The following SRPX variants were observed in gnomAD, a reference collection of about 807,000 sequenced individuals.
SRPX encodes sushi repeat containing protein X-linked.
In SRPX, 24 loss-of-function variants were observed where a neutral mutation model predicts 38.1. The ratio of observed to expected loss-of-function variants is 0.63; its 90% CI spans 0.46 to 0.89. The LOEUF (loss-of-function observed/expected upper bound fraction) is 0.89, where lower values mean the gene tolerates loss of function less well. SRPX is among the 40% of genes least tolerant of loss of function. The pLI, the probability that SRPX is intolerant of heterozygous loss-of-function variation, is 0.00. For missense variants in SRPX, 416 were observed against 377.8 expected, an observed-to-expected ratio of 1.10 and a Z score of -0.84; for synonymous variants, 184 against 153.8, an observed-to-expected ratio of 1.20 and a Z score of -1.45.
chrX:38,181,484 G>A (rs1025981432), intron 1 of SRPX, among the ~76,000 whole-genome samples: 9 of 111,988 alleles, frequency 8.0e-5, no homozygotes, highest in African/African-American at 2.6e-4. Flanking sequence ...CAGCAGATGT[G>A]AGTGTTGTCA....
At chrX:38,168,618 T>C (rs1938405549) in intron 4 of SRPX, among the ~76,000 whole-genome samples, 1 of 112,056 alleles carries the variant, frequency 8.9e-6, no homozygotes, top group Non-Finnish European at 1.9e-5. Flanking sequence ...TAGTTTGAGT[T>C]TGGTGATAGA....
chrX:38,158,618 G>A (rs1938177661), intron 7 of SRPX, among the ~76,000 whole-genome samples: 1 of 111,231 alleles, frequency 9.0e-6, no homozygotes, highest in Admixed American at 9.6e-5. Context: ...GTCTAGGATA[G>A]CTCTGGTCAA....
At chrX:38,184,843 G>A (rs925656358) in intron 1 of SRPX, among the ~76,000 whole-genome samples, 2 of 111,874 alleles carry the variant, frequency 1.8e-5, no homozygotes, top group East Asian at 5.5e-4. Context: ...GATTAGTGCT[G>A]TCCAATGCAA....
chrX:38,183,989 C>A (rs139235045), intron 1 of SRPX, among the ~76,000 whole-genome samples: 1,245 of 111,363 alleles, frequency 0.011, 9 homozygotes, highest in Middle Eastern at 0.028. Context: ...AAATTAGGGT[C>A]TTCCTGGCCT....
intron 4 of SRPX, among the ~76,000 whole-genome samples, chrX:38,167,534 G>A (rs939775129): frequency 9.0e-6 from 1 of 111,381 alleles, no homozygotes; most frequent in African/African-American, 3.3e-5. Context: ...TGAATGAAAG[G>A]AACAAAGTTA....
intron 7 of SRPX, 110 bp from the exon 8 acceptor site, chrX:38,157,139 G>C: frequency 1.0e-6 from 1 of 966,981 alleles, no homozygotes. Flanking sequence ...CCTGAGATAA[G>C]GATTCAAGTG....
intron 1 of SRPX, among the ~76,000 whole-genome samples, chrX:38,195,450 T>C (rs1303269329): frequency 5.5e-5 from 6 of 109,521 alleles, no homozygotes; most frequent in Admixed American, 3.9e-4. Context: ...CATTGTTTAA[T>C]TTAAAATTTT....
In SRPX at chrX:38,195,382, GTT is replaced by G. The variant is rs10710053; in HGVS notation, c.98-17040_98-17039del. On this transcript the variant is annotated intron_variant, in intron 1 of 9. Coordinates refer to ENST00000378533, the MANE Select transcript of SRPX (RefSeq NM_006307.5). Reference sequence around the variant, plus strand: ...TGGCTGGTAAGTAGAGGTGTTTGTGGTTTTTTTTTTTTTTTTTTTACCATACC... The same window carrying G: ...TGGCTGGTAAGTAGAGGTGTTTGTGGTTTTTTTTTTTTTTTTTACCATACC... Among the ~76,000 whole-genome samples the G allele has an allele frequency of 3.3e-3, 289 of 87,913 alleles. 1 individual carries two copies. The highest frequency in any genetic ancestry group is 0.012 in the African/African-American group (268 of 22,675). 76.3% of individuals were successfully genotyped at this position (87,913 alleles called of 115,157 possible). A position where few individuals can be genotyped will look rare whatever the true frequency, so the allele number is the denominator to read the frequency against.
chrX:38,206,055 G>A (rs1939204055), intron 1 of SRPX, among the ~76,000 whole-genome samples: 1 of 113,074 alleles, frequency 8.8e-6, no homozygotes, highest in South Asian at 3.6e-4. Context: ...AAGTGATGCT[G>A]TGACAATTCT....
intron 3 of SRPX, among the ~76,000 whole-genome samples, chrX:38,172,880 G>A (rs1400628743): frequency 1.8e-5 from 2 of 112,705 alleles, no homozygotes; most frequent in Non-Finnish European, 3.8e-5. Flanking sequence ...AAAAGAGAAC[G>A]AGAGTGAGAG....
intron 1 of SRPX, among the ~76,000 whole-genome samples, chrX:38,210,896 G>A (rs1487111166): frequency 8.9e-6 from 1 of 112,045 alleles, no homozygotes. Flanking sequence ...TTTCATATCT[G>A]TGATGGTGTT....
Position 38,149,945 on chromosome X carries a change from G to A in SRPX, c.1212-51C>T, listed in dbSNP as rs368172625. 5.7e-6 allele frequency: 6 copies of A among 1,051,924 alleles called. No individual in the cohort carries two copies. The African/African-American group carries it at 7.5e-5, about 13-fold the overall frequency. The allele number at this position is 1,051,924 out of a possible 1,213,427, so 86.7% of individuals were successfully genotyped here. A position where few individuals can be genotyped will look rare whatever the true frequency, so the allele number is the denominator to read the frequency against. On this transcript the variant is annotated intron_variant, in intron 9 of 9. Transcript: ENST00000378533. ...ACTAAGTCAAACCATGACTCCCAAG[G>A]GTCCTGGTGGATCAACCAGAGCCTT...
rs775079854 is a variant in SRPX, at chrX:38,157,001, C to T, written c.984G>A (p.Thr328=). ...AAMNVNVGVR[T]AAALLDQFYE... Reference sequence around the variant, plus strand: ...AAAACTGATCCAGAAGTGCAGCTGCCGTTCTGACACCCACATTGACGTTCA... The same window carrying T: ...AAAACTGATCCAGAAGTGCAGCTGCTGTTCTGACACCCACATTGACGTTCA... The change falls in exon 8 of 10, where the codon ACG becomes ACA. Residue 328 remains threonine (T), a synonymous_variant. Transcript: ENST00000378533. 13 of 1,211,189 alleles carry T rather than the reference C, an allele frequency of 1.1e-5. No individual in the cohort carries two copies. The highest frequency in any genetic ancestry group is 8.9e-5 in the East Asian group (3 of 33,834).
At chrX:38,204,158 T>C (rs1209198490) in intron 1 of SRPX, among the ~76,000 whole-genome samples, 1 of 111,899 alleles carries the variant, frequency 8.9e-6, no homozygotes, top group East Asian at 2.8e-4. Flanking sequence ...AGGATATCAA[T>C]TCTCCCCCAA....
intron 7 of SRPX, among the ~76,000 whole-genome samples, chrX:38,158,642 T>C (rs938131820): frequency 4.5e-5 from 5 of 111,209 alleles, no homozygotes; most frequent in African/African-American, 1.6e-4. Flanking sequence ...AAATACAATG[T>C]AAGCCACTAT....
At chrX:38,220,060 G>C in intron 1 of SRPX, among the ~76,000 whole-genome samples, 1 of 113,242 alleles carries the variant, frequency 8.8e-6, no homozygotes, top group Non-Finnish European at 1.9e-5. Context: ...GCAGATCCTT[G>C]CGCGAGTAGC....
chrX:38,168,928 G>A (rs1036394084), intron 4 of SRPX, among the ~76,000 whole-genome samples: 1 of 112,266 alleles, frequency 8.9e-6, no homozygotes, highest in Non-Finnish European at 1.9e-5. Context: ...TGATGTGGGA[G>A]GATCACTTAA....
At chrX:38,194,494 G>A (rs1334345720) in intron 1 of SRPX, among the ~76,000 whole-genome samples, 1 of 112,066 alleles carries the variant, frequency 8.9e-6, no homozygotes, top group Non-Finnish European at 1.9e-5. Flanking sequence ...TCAAAGATAT[G>A]TATGCATATT....
intron 1 of SRPX, among the ~76,000 whole-genome samples, chrX:38,208,848 C>CTTT (rs776432762): frequency 1.3e-5 from 1 of 79,568 alleles, no homozygotes; most frequent in Non-Finnish European, 2.5e-5. Context: ...TGACTAATTT[C>CTTT]TTTTTTTTTT....
Sources: allele counts gnomAD v4.1 joint callset (sites outside exome capture counted in the v4.1 genomes callset), GRCh38; gene constraint gnomAD v4.1.1; transcripts MANE v1.5; gene names NCBI Gene and HGNC (gene_info 2026-07-23, HGNC 2026-07-21).